The following PLA2G4A variants were observed in gnomAD, a reference collection of about 807,000 sequenced individuals.
The protein encoded by PLA2G4A is phospholipase A2 group IVA.
Under a neutral mutation model 81.9 loss-of-function variants are expected in PLA2G4A, and 40 were observed. That is an observed-to-expected ratio of 0.49 (90% CI 0.38 to 0.64). The LOEUF (loss-of-function observed/expected upper bound fraction) is 0.64, where lower values mean the gene tolerates loss of function less well. PLA2G4A is among the 30% of genes least tolerant of loss of function. The probability of loss-of-function intolerance (pLI) is 0.00; values close to 1 mark genes in which losing one functional copy is unlikely to be tolerated. For missense variants in PLA2G4A, 715 were observed against 905.1 expected (o/e 0.79, Z 2.69); for synonymous variants, 302 against 296.9 (o/e 1.02, Z -0.18).
intron 5 of PLA2G4A, among the ~76,000 whole-genome samples, chr1:186,896,398 T>A (rs1481694646): frequency 6.6e-6 from 1 of 152,198 alleles, no homozygotes; most frequent in African/African-American, 2.4e-5. Flanking sequence ...CATAGCAAGA[T>A]AAAGGGCTTG....
chr1:186,836,632 C>G (rs974888092), intron 1 of PLA2G4A, among the ~76,000 whole-genome samples: 1 of 152,080 alleles, frequency 6.6e-6, no homozygotes, highest in South Asian at 2.1e-4. Context: ...CCTCCTATGT[C>G]AAGAAATGCA....
At chr1:186,829,493 G>A (rs1490484412) in intron 1 of PLA2G4A, among the ~76,000 whole-genome samples, 1 of 152,076 alleles carries the variant, frequency 6.6e-6, no homozygotes, top group Non-Finnish European at 1.5e-5. Context: ...GGTCATTTTT[G>A]TTACTTATGG....
chr1:186,830,333 C>T (rs959705677), intron 1 of PLA2G4A, among the ~76,000 whole-genome samples: 3 of 151,980 alleles, frequency 2.0e-5, no homozygotes, highest in Non-Finnish European at 4.4e-5. Flanking sequence ...TCTGGCTGGG[C>T]GCAGTGGCTC....
At chr1:186,860,416 G>A (rs367931696) in intron 2 of PLA2G4A, among the ~76,000 whole-genome samples, 542 of 42,456 alleles carry the variant, frequency 0.013, 4 homozygotes, top group African/African-American at 0.065. Flanking sequence ...AAAATGCAAG[G>A]AGCTGTCTCG....
At chr1:186,900,601 T>C (rs2102130033) in intron 5 of PLA2G4A, among the ~76,000 whole-genome samples, 1 of 152,274 alleles carries the variant, frequency 6.6e-6, no homozygotes, top group South Asian at 2.1e-4. Flanking sequence ...ATATGTCAAA[T>C]GTGGTTTGGG....
intron 5 of PLA2G4A, among the ~76,000 whole-genome samples, chr1:186,897,422 G>A (rs1469982073): frequency 1.3e-5 from 2 of 152,066 alleles, no homozygotes; most frequent in Non-Finnish European, 2.9e-5. Context: ...TGAAGGGTTG[G>A]ATTAAATTTT....
intron 3 of PLA2G4A, among the ~76,000 whole-genome samples, chr1:186,882,792 G>A (rs183461579): frequency 3.3e-5 from 5 of 152,104 alleles, no homozygotes; most frequent in East Asian, 3.9e-4. Context: ...TAGTTGAATC[G>A]GGGCAATTAT....
At chr1:186,879,392 A>G (rs1269892011) in intron 3 of PLA2G4A, among the ~76,000 whole-genome samples, 1 of 152,012 alleles carries the variant, frequency 6.6e-6, no homozygotes, top group Admixed American at 6.6e-5. Context: ...TGTAGTTAGT[A>G]CTTATTTAGT....
At chr1:186,939,860 A>G in intron 9 of PLA2G4A, 120 bp from the exon 10 acceptor site, 1 of 652,298 alleles carries the variant, frequency 1.5e-6, no homozygotes, top group East Asian at 2.7e-5. Context: ...TTCTAGAAGT[A>G]ATAAGACTTA....
intron 1 of PLA2G4A, among the ~76,000 whole-genome samples, chr1:186,848,363 A>G (rs1451138625): frequency 2.6e-5 from 4 of 152,100 alleles, no homozygotes; most frequent in Non-Finnish European, 5.9e-5. Flanking sequence ...TAAAAACCAG[A>G]GTTATCAAGC....
intron 3 of PLA2G4A, among the ~76,000 whole-genome samples, chr1:186,872,508 A>G (rs1653313613): frequency 1.3e-5 from 2 of 151,970 alleles, no homozygotes; most frequent in Admixed American, 6.6e-5. Flanking sequence ...AGCAGCAGCA[A>G]TCCCCCCACC....
intron 5 of PLA2G4A, among the ~76,000 whole-genome samples, chr1:186,903,027 T>C (rs894687491): frequency 1.3e-5 from 2 of 152,202 alleles, no homozygotes; most frequent in Non-Finnish European, 2.9e-5. Flanking sequence ...ATTGCCTCCT[T>C]GTCAGATCCA....
chr1:186,977,890 C>CTA, intron 16 of PLA2G4A, 102 bp downstream of exon 16: 1 of 801,348 alleles, frequency 1.2e-6, no homozygotes, highest in East Asian at 2.5e-5. Context: ...AGCTATTACA[C>CTA]TATTGAATGC....
At chr1:186,906,630 A>T (rs996751561) in intron 5 of PLA2G4A, among the ~76,000 whole-genome samples, 4 of 152,232 alleles carry the variant, frequency 2.6e-5, no homozygotes, top group African/African-American at 9.6e-5. Context: ...ACATCTCAGT[A>T]GTTTTTATAT....
intron 7 of PLA2G4A, among the ~76,000 whole-genome samples, chr1:186,922,801 G>A (rs1206542797): frequency 6.6e-6 from 1 of 152,180 alleles, no homozygotes; most frequent in Admixed American, 6.5e-5. Flanking sequence ...AGCAATTCCT[G>A]TCCCTTTTAA....
At chr1:186,904,262 T>C in intron 5 of PLA2G4A, among the ~76,000 whole-genome samples, 1 of 152,364 alleles carries the variant, frequency 6.6e-6, no homozygotes, top group East Asian at 1.9e-4. Flanking sequence ...TAATTAGTTC[T>C]AGCTCTAAGC....
intron 15 of PLA2G4A, among the ~76,000 whole-genome samples, chr1:186,967,108 T>C (rs1657159722): frequency 6.6e-6 from 1 of 152,168 alleles, no homozygotes; most frequent in Non-Finnish European, 1.5e-5. Flanking sequence ...ATAGCCCAGG[T>C]CAGGTCCTCT....
At position 186,946,907 on chromosome 1, in the gene PLA2G4A, G is replaced by A; in HGVS notation, c.1210G>A (p.Val404Ile). The A allele has an allele frequency of 1.2e-6, 2 of 1,612,706 alleles. No homozygotes were observed. The highest frequency in any genetic ancestry group is 2.2e-5 in the East Asian group (1 of 44,840). The change falls in exon 12 of 18, where the codon GTT (valine) becomes ATT (isoleucine). Residue 404 changes from valine to isoleucine, a missense_variant. Val to Ile is a conservative substitution (Grantham distance 29, BLOSUM62 3). Transcript: ENST00000367466. ...TGCCTTTTCCATATTGTTCAACAGA[G>A]TTTTGGGCGTTTCTGGTTCACAAAG... ...GSAFSILFNR[V>I]LGVSGSQSRG...
At chr1:186,973,167 C>G (rs540152096) in intron 15 of PLA2G4A, among the ~76,000 whole-genome samples, 1 of 152,168 alleles carries the variant, frequency 6.6e-6, no homozygotes, top group Non-Finnish European at 1.5e-5. Context: ...TATTCTCTCA[C>G]AGTTTCGGAG....
Sources: gnomAD v4.1 joint callset for allele counts (sites outside exome capture counted in the v4.1 genomes callset) on GRCh38, gnomAD v4.1.1 for gene constraint, MANE v1.5 for transcripts, NCBI Gene and HGNC (gene_info 2026-07-23, HGNC 2026-07-21) for gene names.